The following RERG variants were observed in gnomAD, a reference collection of about 807,000 sequenced individuals.
The protein encoded by RERG is RAS like estrogen regulated growth inhibitor, also known as ras-related and estrogen-regulated growth inhibitor.
In RERG, 25 loss-of-function variants were observed where a neutral mutation model predicts 23.2. The observed-to-expected ratio is 1.08, with a 90% CI of 0.79 to 1.50. The LOEUF (loss-of-function observed/expected upper bound fraction) is 1.50, where lower values mean the gene tolerates loss of function less well. Among genes scored for constraint, RERG ranks in the 40% most tolerant of loss-of-function variants. RERG has a pLI of 0.00. For missense variants in RERG, 253 were observed against 250.1 expected (o/e 1.01, Z -0.08); for synonymous variants, 81 against 89.1 (o/e 0.91, Z 0.51).
chr12:15,214,203 T>G (rs1475076897), intron 2 of RERG, among the ~76,000 whole-genome samples: 2 of 152,210 alleles, frequency 1.3e-5, no homozygotes, highest in African/African-American at 4.8e-5. Flanking sequence ...TTTGAGCATT[T>G]GCAATGTGCC....
intron 2 of RERG, among the ~76,000 whole-genome samples, chr12:15,210,471 C>G (rs1252556556): frequency 6.6e-6 from 1 of 152,132 alleles, no homozygotes; most frequent in Admixed American, 6.5e-5. Flanking sequence ...GTTTCCCCCC[C>G]AATCATATTT....
At chr12:15,165,053 G>C (rs1425601490) in intron 2 of RERG, among the ~76,000 whole-genome samples, 1 of 152,144 alleles carries the variant, frequency 6.6e-6, no homozygotes, top group Non-Finnish European at 1.5e-5. Flanking sequence ...TGAAGAGTAG[G>C]AACAAAATGT....
intron 2 of RERG, among the ~76,000 whole-genome samples, chr12:15,196,705 A>G (rs1201507328): frequency 6.6e-6 from 1 of 152,198 alleles, no homozygotes; most frequent in Non-Finnish European, 1.5e-5. Context: ...AAAGAACTTT[A>G]GAAGTGGTGA....
intron 3 of RERG, among the ~76,000 whole-genome samples, chr12:15,118,010 A>T (rs1026109261): frequency 6.6e-6 from 1 of 152,066 alleles, no homozygotes; most frequent in African/African-American, 2.4e-5. Context: ...AAGGAAAATT[A>T]AAATAAAACT....
chr12:15,169,920 A>ATGTGTG (rs61079713), intron 2 of RERG, among the ~76,000 whole-genome samples: 11,669 of 137,570 alleles, frequency 0.085, 597 homozygotes, highest in Admixed American at 0.12. Flanking sequence ...TCTGCTAAAA[A>ATGTGTG]TGTGTGTGTG....
At chr12:15,143,121 T>C (rs1200103426) in intron 2 of RERG, among the ~76,000 whole-genome samples, 1 of 152,172 alleles carries the variant, frequency 6.6e-6, no homozygotes, top group African/African-American at 2.4e-5. Flanking sequence ...ATGTAATAGG[T>C]TAGTGTTAGT....
At chr12:15,156,124 A>T (rs1400317078) in intron 2 of RERG, among the ~76,000 whole-genome samples, 1 of 152,108 alleles carries the variant, frequency 6.6e-6, no homozygotes, top group South Asian at 2.1e-4. Flanking sequence ...TGAGCTTATT[A>T]ATTATGATTT....
chr12:15,147,248 T>G (rs966670483), intron 2 of RERG, among the ~76,000 whole-genome samples: 13 of 152,224 alleles, frequency 8.5e-5, no homozygotes, highest in African/African-American at 2.9e-4. Context: ...TTATATGACC[T>G]TACATTAATA....
At chr12:15,197,804 T>A (rs1033820081) in intron 2 of RERG, among the ~76,000 whole-genome samples, 1 of 152,140 alleles carries the variant, frequency 6.6e-6, no homozygotes, top group Non-Finnish European at 1.5e-5. Flanking sequence ...AGCCCACCTG[T>A]CTTCAGTATG....
At chr12:15,187,603 G>T (rs145155514) in intron 2 of RERG, among the ~76,000 whole-genome samples, 1 of 150,764 alleles carries the variant, frequency 6.6e-6, no homozygotes, top group Non-Finnish European at 1.5e-5. Context: ...TTGTCACCCA[G>T]GCTGTAGGGC....
intron 2 of RERG, among the ~76,000 whole-genome samples, chr12:15,181,796 G>A (rs938659410): frequency 2.6e-5 from 4 of 152,122 alleles, no homozygotes; most frequent in Admixed American, 2.0e-4. Flanking sequence ...AGTAAAGAAT[G>A]GAGAAAAGAA....
intron 2 of RERG, among the ~76,000 whole-genome samples, chr12:15,161,905 A>G (rs1864620850): frequency 6.6e-6 from 1 of 152,214 alleles, no homozygotes; most frequent in South Asian, 2.1e-4. Context: ...TCACAGGTTT[A>G]AAAATTAAGT....
chr12:15,120,889 GCACAGACAGCATGAAACA>G lies in RERG; in HGVS notation c.118+156_118+173del, dbSNP rs1863818742. 3.3e-5 allele frequency among the ~76,000 whole-genome samples: 5 copies of G among 152,282 alleles called. No individual in the cohort carries two copies. In the South Asian group the frequency reaches 1.0e-3, roughly 32 times the overall value. On this transcript the variant is annotated intron_variant, in intron 3 of 4. Transcript: ENST00000256953. Reference sequence around the variant, plus strand: ...GCATTAAAATCCTGCAGGGTTCTAAGCACAGACAGCATGAAACACACATCTAGCCTCATAGAGGGCTTC... The same window carrying G: ...GCATTAAAATCCTGCAGGGTTCTAAGCACATCTAGCCTCATAGAGGGCTTC...
chr12:15,125,579 A>AAAATCAAC (rs1412244984), intron 2 of RERG, among the ~76,000 whole-genome samples: 2 of 152,042 alleles, frequency 1.3e-5, no homozygotes, highest in African/African-American at 4.8e-5. Context: ...GAAAGGTTGT[A>AAAATCAAC]AAATCAACAC....
At position 15,221,388 on chromosome 12, in the gene RERG, G is replaced by C. The variant is rs996568855; in HGVS notation, c.-308C>G. ...GCCCGGCGGGGGTCTCCTCACTCGCGCTCGCTCCGACTAGCGGCGGAGGGA... is the reference window on the plus strand; with the variant it reads ...GCCCGGCGGGGGTCTCCTCACTCGCCCTCGCTCCGACTAGCGGCGGAGGGA... On this transcript the variant is annotated 5_prime_UTR_variant, in exon 1 of 5. Coordinates refer to ENST00000256953, the MANE Select transcript of RERG (RefSeq NM_032918.3). The C allele has an allele frequency of 3.9e-5, 6 of 152,244 alleles. No homozygotes were observed. The highest frequency in any genetic ancestry group is 3.9e-4 in the Admixed American group (6 of 15,288). The allele number at this position is 152,244 out of a possible 1,614,324, so 9.4% of individuals were successfully genotyped here. A position where few individuals can be genotyped will look rare whatever the true frequency, so the allele number is the denominator to read the frequency against.
intron 2 of RERG, among the ~76,000 whole-genome samples, chr12:15,134,704 T>A (rs753786734): frequency 5.9e-5 from 9 of 152,164 alleles, no homozygotes; most frequent in Non-Finnish European, 8.8e-5. Context: ...AACCTCCACC[T>A]CCTGGGTTCA....
At chr12:15,191,593 C>T (rs1013671473) in intron 2 of RERG, among the ~76,000 whole-genome samples, 1 of 152,142 alleles carries the variant, frequency 6.6e-6, no homozygotes, top group Admixed American at 6.6e-5. Context: ...CATCTCTCTC[C>T]AGCCTCCCCT....
intron 4 of RERG, among the ~76,000 whole-genome samples, chr12:15,110,585 TCTC>T (rs1863595107): frequency 6.7e-6 from 1 of 148,662 alleles, no homozygotes; most frequent in African/African-American, 2.5e-5. Flanking sequence ...TTCACACCGT[TCTC>T]CTGCCTCAGC....
At chr12:15,202,948 C>T (rs1865237531) in intron 2 of RERG, among the ~76,000 whole-genome samples, 1 of 151,674 alleles carries the variant, frequency 6.6e-6, no homozygotes, top group Admixed American at 6.6e-5. Context: ...TCTCCATATC[C>T]TCATCAACAC....
Sources: allele counts gnomAD v4.1 joint callset (sites outside exome capture counted in the v4.1 genomes callset), GRCh38; gene constraint gnomAD v4.1.1; transcripts MANE v1.5; gene names NCBI Gene and HGNC (gene_info 2026-07-23, HGNC 2026-07-21).